FAM186A: variants seen among roughly 807,000 people sequenced by gnomAD.
FAM186A encodes the protein protein FAM186A.
Under a neutral mutation model 216.8 loss-of-function variants are expected in FAM186A, and 163 were observed. That is an observed-to-expected ratio of 0.75 (90% confidence interval 0.66 to 0.86). The LOEUF (loss-of-function observed/expected upper bound fraction) is 0.86. Ranked by LOEUF, FAM186A falls within the 40% of genes least tolerant of loss-of-function variation. The probability of loss-of-function intolerance (pLI) is 0.00; values close to 1 mark genes in which losing one functional copy is unlikely to be tolerated. For missense variants in FAM186A, 2,184 were observed against 2,746.2 expected, an observed-to-expected ratio of 0.80 and a Z score of 4.58; for synonymous variants, 805 against 1,025.3, an observed-to-expected ratio of 0.79 and a Z score of 4.10.
At chr12:50,374,999 G>A (rs1052555521) in intron 1 of FAM186A, among the ~76,000 whole-genome samples, 2 of 151,972 alleles carry the variant, frequency 1.3e-5, no homozygotes, top group African/African-American at 2.4e-5. Context: ...CCAACATGAC[G>A]AAACTCCCTT....
At chr12:50,383,278 A>AAAAG (rs1555218962) in intron 1 of FAM186A, among the ~76,000 whole-genome samples, 1 of 49,168 alleles carries the variant, frequency 2.0e-5, no homozygotes, top group African/African-American at 5.3e-5. Context: ...AAAAAAAAAA[A>AAAAG]AGAGAGAGAG....
At chr12:50,357,664 GA>G in intron 3 of FAM186A, among the ~76,000 whole-genome samples, 1 of 152,244 alleles carries the variant, frequency 6.6e-6, no homozygotes, top group East Asian at 1.9e-4. Flanking sequence ...ACAACACATT[GA>G]GAAGCATTTA....
chr12:50,327,501 G>A, intron 7 of FAM186A, 97 bp from the exon 8 acceptor site: 7 of 740,224 alleles, frequency 9.5e-6, no homozygotes, highest in East Asian at 6.0e-5. Flanking sequence ...AGTGCCTCCA[G>A]AACTCAAAAA....
At chr12:50,366,729 G>C (rs1053975832) in intron 1 of FAM186A, among the ~76,000 whole-genome samples, 2 of 132,046 alleles carry the variant, frequency 1.5e-5, no homozygotes, top group Non-Finnish European at 3.2e-5. Flanking sequence ...AAATACACAA[G>C]AGGCTGGGCA....
Position 50,356,924 on chromosome 12 carries a change from G to A in FAM186A, c.584-676C>T, listed in dbSNP as rs533437176. Among the ~76,000 whole-genome samples, 6 of 152,030 alleles carry A rather than the reference G, an allele frequency of 3.9e-5. No individual in the cohort carries two copies. The South Asian group carries it at 1.2e-3, about 32-fold the overall frequency. On this transcript the variant is annotated intron_variant, in intron 3 of 7. Transcript: ENST00000327337. Reference sequence around the variant, plus strand: ...TAAGGCAGGAGAATCACTTGAACTCGGGAGGCGGAGGTTGCAGTGAGCCGA... The same window carrying A: ...TAAGGCAGGAGAATCACTTGAACTCAGGAGGCGGAGGTTGCAGTGAGCCGA...
intron 1 of FAM186A, among the ~76,000 whole-genome samples, chr12:50,391,211 A>C (rs977666633): frequency 6.1e-5 from 9 of 146,636 alleles, no homozygotes; most frequent in Admixed American, 2.7e-4. Flanking sequence ...CTGGTCTTAA[A>C]CTCCTGACCT....
intron 2 of FAM186A, among the ~76,000 whole-genome samples, chr12:50,362,093 C>T (rs1386002917): frequency 6.6e-6 from 1 of 152,056 alleles, no homozygotes; most frequent in Non-Finnish European, 1.5e-5. Flanking sequence ...CTGCCTCAGC[C>T]TCCCGAGTAG....
chr12:50,330,182 A>T (rs1942642763), intron 7 of FAM186A, among the ~76,000 whole-genome samples: 1 of 152,170 alleles, frequency 6.6e-6, no homozygotes, highest in African/African-American at 2.4e-5. Flanking sequence ...TTGGGTCTAG[A>T]TATGATAATT....
Position 50,363,181 on chromosome 12 carries a change from T to G in FAM186A, c.376A>C (p.Thr126Pro). Residue 126 changes from threonine (T) to proline (P), a missense_variant, in exon 2 of 8, where the codon ACT (threonine) becomes CCT (proline). Thr to Pro is a conservative substitution (Grantham distance 38). Around this residue, in one of 7 missense-constraint regions of FAM186A, gnomAD observed 1,132 missense variants for 1,263.4 expected, o/e 0.90. Transcript: ENST00000327337. Reference sequence around the variant, plus strand: ...AACCAGGCCAGAATGTTGGCAAGAGTCTTTTCTCTTATTTCAATAGTCTTA... The same window carrying G: ...AACCAGGCCAGAATGTTGGCAAGAGGCTTTTCTCTTATTTCAATAGTCTTA... ...YAKTIEIREKTLANILAWLEE... is the reference protein window; with the variant it reads ...YAKTIEIREKPLANILAWLEE... 1 of 1,550,946 alleles carries G rather than the reference T, an allele frequency of 6.4e-7. No homozygotes were observed. The highest frequency in any genetic ancestry group is 8.7e-7 in the Non-Finnish European group (1 of 1,146,786).
intron 1 of FAM186A, among the ~76,000 whole-genome samples, chr12:50,368,903 A>T (rs1162554814): frequency 6.6e-6 from 1 of 152,046 alleles, no homozygotes; most frequent in Non-Finnish European, 1.5e-5. Context: ...TATTCATAGC[A>T]TAAGGTTAAA....
chr12:50,390,332 C>T (rs1211327707), intron 1 of FAM186A, among the ~76,000 whole-genome samples: 1 of 152,154 alleles, frequency 6.6e-6, no homozygotes, highest in Non-Finnish European at 1.5e-5. Context: ...TTCAAGAGAA[C>T]TTGAGGTCCT....
chr12:50,382,208 T>C (rs919419965), intron 1 of FAM186A, among the ~76,000 whole-genome samples: 2 of 141,226 alleles, frequency 1.4e-5, no homozygotes, highest in Non-Finnish European at 3.0e-5. Flanking sequence ...ATCACACCAC[T>C]GCACTCCAGC....
intron 4 of FAM186A, among the ~76,000 whole-genome samples, chr12:50,347,061 T>A (rs1302811276): frequency 6.7e-6 from 1 of 150,202 alleles, no homozygotes; most frequent in Non-Finnish European, 1.5e-5. Context: ...TTAGTGAATA[T>A]AAGCTAGGTT....
At chr12:50,341,538 C>T (rs1050056059) in intron 4 of FAM186A, among the ~76,000 whole-genome samples, 5 of 151,928 alleles carry the variant, frequency 3.3e-5, no homozygotes, top group South Asian at 2.1e-4. Flanking sequence ...TAAATGAATC[C>T]TAAAAATTGA....
At chr12:50,337,542 G>A (rs1312615656) in intron 4 of FAM186A, among the ~76,000 whole-genome samples, 5 of 148,316 alleles carry the variant, frequency 3.4e-5, no homozygotes, top group African/African-American at 9.9e-5. Flanking sequence ...CAAGTGATCC[G>A]CCCACCTCGG....
chr12:50,338,386 A>G (rs1565879812), intron 4 of FAM186A, among the ~76,000 whole-genome samples: 1 of 152,142 alleles, frequency 6.6e-6, no homozygotes, highest in Non-Finnish European at 1.5e-5. Context: ...TTTTTAGCAG[A>G]GACGGGGTTT....
At chr12:50,349,647 TTTATTA>T (rs71683830) in intron 4 of FAM186A, among the ~76,000 whole-genome samples, 2 of 151,622 alleles carry the variant, frequency 1.3e-5, no homozygotes, top group African/African-American at 2.4e-5. Flanking sequence ...AGGATCTCTT[TTTATTA>T]TTATTATTAT....
intron 3 of FAM186A, among the ~76,000 whole-genome samples, chr12:50,359,593 G>C (rs1312106542): frequency 6.6e-6 from 1 of 151,970 alleles, no homozygotes; most frequent in Non-Finnish European, 1.5e-5. Context: ...AAAAAAATGG[G>C]TAAATAATGG....
rs1449158917 is a variant in FAM186A at position 50,354,710 on chromosome 12, C to T, written c.2122G>A (p.Ala708Thr). 6.5e-7 allele frequency: 1 copy of T among 1,548,710 alleles called. No homozygotes were observed. The highest frequency in any genetic ancestry group is 2.0e-5 in the Admixed American group (1 of 50,630). ...GCCTTTATGATTCCTAATTTTTCAGCTTCTGCTCTTTTTAATAACTCCTCT... is the reference window on the plus strand; with the variant it reads ...GCCTTTATGATTCCTAATTTTTCAGTTTCTGCTCTTTTTAATAACTCCTCT... ...KEEELLKRAE[A>T]EKLGIIKAKM... The change falls in exon 4 of 8, where the codon GCT becomes ACT. Residue 708 changes from alanine to threonine, a missense_variant. Around this residue, in one of 7 missense-constraint regions of FAM186A, gnomAD observed 1,132 missense variants for 1,263.4 expected, o/e 0.90. Coordinates refer to ENST00000327337, the MANE Select transcript of FAM186A (RefSeq NM_001145475.3).
Sources: allele counts gnomAD v4.1 joint callset (sites outside exome capture counted in the v4.1 genomes callset), GRCh38; gene constraint gnomAD v4.1.1; regional missense constraint gnomAD v4.1.1; transcripts MANE v1.5; gene names NCBI Gene and HGNC (gene_info 2026-07-23, HGNC 2026-07-21).